RANBP2: variants seen among roughly 807,000 people sequenced by gnomAD.
RANBP2 encodes RAN binding protein 2.
RANBP2 carries 57 observed loss-of-function variants against 303.6 expected under a neutral mutation model. That is an observed-to-expected ratio of 0.19 (90% confidence interval 0.15 to 0.23). The LOEUF is 0.23. RANBP2 is among the 10% of genes least tolerant of loss of function. RANBP2 has a pLI of 1.00. For missense variants in RANBP2, 3,138 were observed against 3,780.8 expected (o/e 0.83, Z 4.46); for synonymous variants, 1,167 against 1,301.5 (o/e 0.90, Z 2.23).
the RANBP2 span, among the ~76,000 whole-genome samples, chr2:108,914,265 AAAAAT>A: frequency 6.6e-6 from 1 of 152,002 alleles, no homozygotes; most frequent in African/African-American, 2.4e-5. Context: ...TGTCTCAAAA[AAAAAT>A]AAAATAAAAA....
the RANBP2 span, among the ~76,000 whole-genome samples, chr2:109,019,131 G>A: frequency 1.4e-4 from 21 of 152,246 alleles, no homozygotes; most frequent in Non-Finnish European, 2.8e-4. Context: ...ATGCCGTCTC[G>A]GTAATGCTGT....
the RANBP2 span, among the ~76,000 whole-genome samples, chr2:109,187,144 G>T: frequency 1.2e-4 from 19 of 152,218 alleles, 1 homozygote; most frequent in Admixed American, 5.9e-4. Context: ...ACAGGACTCT[G>T]TCCCCACGGT....
At chr2:109,671,104 C>T in the RANBP2 span, among the ~76,000 whole-genome samples, 1 of 152,212 alleles carries the variant, frequency 6.6e-6, no homozygotes, top group South Asian at 2.1e-4. Context: ...CTACCACTTC[C>T]TGCAACCTGG....
At chr2:109,066,687 T>A in the RANBP2 span, among the ~76,000 whole-genome samples, 1 of 152,134 alleles carries the variant, frequency 6.6e-6, no homozygotes, top group Non-Finnish European at 1.5e-5. Context: ...CTCAGTCCCC[T>A]GGGGAAGTAA....
At chr2:108,758,062 C>G in intron 17 of RANBP2, among the ~76,000 whole-genome samples, 1 of 152,086 alleles carries the variant, frequency 6.6e-6, no homozygotes, top group East Asian at 1.9e-4. Flanking sequence ...CTTTGGGAGG[C>G]TGAGGTGGTG....
At chr2:109,129,224 G>C in the RANBP2 span, 1 of 544,270 alleles carries the variant, frequency 1.8e-6, no homozygotes, top group Non-Finnish European at 3.4e-6. Flanking sequence ...GTTGAGCTTC[G>C]TGCCCGGCAG....
chr2:109,051,468 T>C, the RANBP2 span, among the ~76,000 whole-genome samples: 1 of 152,236 alleles, frequency 6.6e-6, no homozygotes, highest in Non-Finnish European at 1.5e-5. Flanking sequence ...TCAAACCCCA[T>C]ACTCACATGC....
chr2:108,891,813 G>A, the RANBP2 span, among the ~76,000 whole-genome samples: 1 of 152,126 alleles, frequency 6.6e-6, no homozygotes, highest in Non-Finnish European at 1.5e-5. Context: ...TTGCTGTGAT[G>A]GACTGGGTAA....
At chr2:109,268,042 T>G in the RANBP2 span, among the ~76,000 whole-genome samples, 1 of 151,416 alleles carries the variant, frequency 6.6e-6, no homozygotes, top group Admixed American at 6.6e-5. Context: ...TCCTTGTGGG[T>G]GAGGGGGTCT....
chr2:108,971,643 T>G, the RANBP2 span, among the ~76,000 whole-genome samples: 2 of 152,132 alleles, frequency 1.3e-5, no homozygotes, highest in South Asian at 4.1e-4. Flanking sequence ...CTCTCTCATT[T>G]TATGGAAGAA....
At chr2:109,078,200 A>G in the RANBP2 span, among the ~76,000 whole-genome samples, 1 of 76,850 alleles carries the variant, frequency 1.3e-5, no homozygotes, top group Admixed American at 1.3e-4. Flanking sequence ...TATATAGCGT[A>G]TATATATAGC....
the RANBP2 span, among the ~76,000 whole-genome samples, chr2:109,429,983 C>G: frequency 3.3e-5 from 5 of 152,344 alleles, no homozygotes; most frequent in African/African-American, 1.2e-4. Context: ...CAGCCCACCC[C>G]ACACAGGCCA....
chr2:109,495,477 C>CT, the RANBP2 span, among the ~76,000 whole-genome samples: 4,287 of 93,866 alleles, frequency 0.046, 593 homozygotes, highest in Non-Finnish European at 0.055. Flanking sequence ...TCTTTCATTC[C>CT]TTTTTTTTTT....
chr2:108,839,486 A>G, the RANBP2 span, among the ~76,000 whole-genome samples: 2 of 152,162 alleles, frequency 1.3e-5, no homozygotes, highest in African/African-American at 4.8e-5. Flanking sequence ...AATAATTGAC[A>G]TCTTTCCTTT....
At chr2:109,115,716 T>C in the RANBP2 span, among the ~76,000 whole-genome samples, 1 of 152,248 alleles carries the variant, frequency 6.6e-6, no homozygotes, top group Admixed American at 6.5e-5. Context: ...ATGCAGTTTC[T>C]TCCTAGCCTT....
the RANBP2 span, among the ~76,000 whole-genome samples, chr2:109,125,122 C>T: frequency 3.9e-5 from 6 of 152,198 alleles, no homozygotes; most frequent in Admixed American, 1.3e-4. Flanking sequence ...GTTGCCAAGG[C>T]GTGCCCCCAC....
chr2:108,727,252 G>T (rs1286520842), intron 1 of RANBP2, among the ~76,000 whole-genome samples: 3 of 152,028 alleles, frequency 2.0e-5, no homozygotes, highest in African/African-American at 7.2e-5. Flanking sequence ...TTTTGACTTA[G>T]GAAAGAAAAA....
At chr2:109,008,898 CA>C in the RANBP2 span, among the ~76,000 whole-genome samples, 29,221 of 122,320 alleles carry the variant, frequency 0.24, 2,927 homozygotes, top group Middle Eastern at 0.4. Context: ...GATTCCATCT[CA>C]AAAAAAAAAA....
At chr2:109,042,469 A>G in the RANBP2 span, among the ~76,000 whole-genome samples, 1 of 152,146 alleles carries the variant, frequency 6.6e-6, no homozygotes, top group Non-Finnish European at 1.5e-5. Context: ...GCCAGGTCCA[A>G]TCCTTGTAAG....
Sources: allele counts gnomAD v4.1 joint callset (sites outside exome capture counted in the v4.1 genomes callset), GRCh38; gene constraint gnomAD v4.1.1; transcripts MANE v1.5; gene names NCBI Gene and HGNC (gene_info 2026-07-23, HGNC 2026-07-21).